Variants in TRDN observed in about 807,000 individuals in gnomAD.
TRDN encodes the protein triadin, also known as triadin in skeletal muscle.
A neutral mutation model predicts 149.7 loss-of-function variants in TRDN; 161 were observed. The observed-to-expected ratio is 1.08, with a 90% confidence interval of 0.95 to 1.23. TRDN has a LOEUF of 1.23. Among genes scored for constraint, TRDN ranks in the 50% most tolerant of loss-of-function variants. The pLI is 0.00. For missense variants in TRDN, 896 were observed against 823.5 expected (o/e 1.09, Z -1.08); for synonymous variants, 294 against 250.5 (o/e 1.17, Z -1.64).
At chr6:123,304,358 T>G (rs113568796) in intron 24 of TRDN, among the ~76,000 whole-genome samples, 3,090 of 151,052 alleles carry the variant, frequency 0.02, 99 homozygotes, top group South Asian at 0.077. Flanking sequence ...GTTCAAGGGA[T>G]TCCCCTGCCT....
chr6:123,244,431 G>A (rs1403712600), intron 38 of TRDN, among the ~76,000 whole-genome samples: 4 of 152,014 alleles, frequency 2.6e-5, no homozygotes, highest in African/African-American at 4.8e-5. Context: ...AACACAGCAC[G>A]AGAATTTCCT....
intron 21 of TRDN, among the ~76,000 whole-genome samples, chr6:123,345,226 G>A (rs191932770): frequency 2.8e-4 from 42 of 152,044 alleles, no homozygotes; most frequent in Admixed American, 2.0e-3. Context: ...TGTGGAGGAC[G>A]TAAAGACTAT....
intron 1 of TRDN, among the ~76,000 whole-genome samples, chr6:123,626,662 G>A (rs1785686574): frequency 6.6e-6 from 1 of 151,812 alleles, no homozygotes. Context: ...TTTACATAAT[G>A]GTGATATTTT....
chr6:123,309,760 TA>T (rs952139102), intron 24 of TRDN, among the ~76,000 whole-genome samples: 1 of 151,838 alleles, frequency 6.6e-6, no homozygotes, highest in East Asian at 1.9e-4. Flanking sequence ...TGTAAAAATA[TA>T]AAAAAATAAA....
At chr6:123,424,611 A>G (rs896914033) in intron 12 of TRDN, among the ~76,000 whole-genome samples, 1 of 152,162 alleles carries the variant, frequency 6.6e-6, no homozygotes, top group African/African-American at 2.4e-5. Flanking sequence ...TTTGAAATCT[A>G]AATGCTGAAA....
At chr6:123,366,309 G>A in intron 19 of TRDN, 127 bp from the exon 20 acceptor site, 1 of 783,078 alleles carries the variant, frequency 1.3e-6, no homozygotes. Flanking sequence ...AAGCTGTAGA[G>A]AAAGCCAAAA....
chr6:123,367,940 T>C (rs577082843), intron 19 of TRDN, among the ~76,000 whole-genome samples: 22 of 152,314 alleles, frequency 1.4e-4, no homozygotes, highest in Non-Finnish European at 2.8e-4. Context: ...AGAGTCCATA[T>C]GGCTCTGTAT....
chr6:123,551,520 T>A (rs1236100326), intron 2 of TRDN, among the ~76,000 whole-genome samples: 1 of 151,986 alleles, frequency 6.6e-6, no homozygotes, highest in Non-Finnish European at 1.5e-5. Context: ...AGAAGATACT[T>A]AGGTAATTGT....
At chr6:123,550,753 A>G (rs1284810920) in intron 2 of TRDN, among the ~76,000 whole-genome samples, 5 of 152,040 alleles carry the variant, frequency 3.3e-5, no homozygotes, top group Admixed American at 1.3e-4. Flanking sequence ...CGTGGAGCAC[A>G]CAGACCATTC....
At chr6:123,518,133 C>A (rs550250008) in intron 5 of TRDN, among the ~76,000 whole-genome samples, 2 of 152,106 alleles carry the variant, frequency 1.3e-5, no homozygotes, top group South Asian at 2.1e-4. Context: ...AAACTTTTGA[C>A]AATTTATTGA....
At chr6:123,288,030 C>CT (rs869079186) in intron 24 of TRDN, among the ~76,000 whole-genome samples, 1 of 102,438 alleles carries the variant, frequency 9.8e-6, no homozygotes, top group Admixed American at 9.8e-5. Flanking sequence ...TCCATTTATA[C>CT]CCTATTATGC....
intron 1 of TRDN, among the ~76,000 whole-genome samples, chr6:123,623,164 G>A (rs1785482500): frequency 6.6e-6 from 1 of 151,926 alleles, no homozygotes; most frequent in Non-Finnish European, 1.5e-5. Flanking sequence ...TTTCCCTGAG[G>A]TTATTGTCTT....
At chr6:123,285,642 A>G (rs6569335) in intron 24 of TRDN, among the ~76,000 whole-genome samples, 1 of 151,972 alleles carries the variant, frequency 6.6e-6, no homozygotes, top group Admixed American at 6.6e-5. Flanking sequence ...GACTTCATGA[A>G]CAAGAATCCA....
rs1452342114 is a variant in TRDN at position 123,217,036 on chromosome 6, G to T, written c.*1565C>A. 6.6e-6 allele frequency: 1 copy of T among 151,926 alleles called. No individual in the cohort carries two copies. Among genetic ancestry groups the T allele is most frequent in the Non-Finnish European group, 1.5e-5 (1 of 67,964 alleles). The allele number at this position is 151,926 out of a possible 1,614,324, so 9.4% of individuals were successfully genotyped here. A position where few individuals can be genotyped will look rare whatever the true frequency, so the allele number is the denominator to read the frequency against. On this transcript the variant is annotated 3_prime_UTR_variant, in exon 41 of 41. Transcript: ENST00000334268. ...TCACCTGAAGGGGCTTTGCAAGATG[G>T]TATTGTCTGGTCATTCCTGAAATTA...
intron 2 of TRDN, among the ~76,000 whole-genome samples, chr6:123,566,165 G>T (rs997213283): frequency 4.6e-5 from 7 of 152,158 alleles, no homozygotes; most frequent in Non-Finnish European, 2.9e-5. Flanking sequence ...TGTGGTGTAG[G>T]TGAAATATCT....
chr6:123,331,644 T>C (rs1489945834), intron 23 of TRDN, among the ~76,000 whole-genome samples: 1 of 152,050 alleles, frequency 6.6e-6, no homozygotes, highest in African/African-American at 2.4e-5. Flanking sequence ...CAGAATAGCA[T>C]AAGACTTTTT....
chr6:123,500,732 G>A (rs1207360590), intron 8 of TRDN, among the ~76,000 whole-genome samples: 1 of 152,042 alleles, frequency 6.6e-6, no homozygotes, highest in African/African-American at 2.4e-5. Context: ...TAGTAACAAA[G>A]GGAAAATACA....
intron 9 of TRDN, among the ~76,000 whole-genome samples, chr6:123,483,172 G>T (rs1469673519): frequency 1.3e-5 from 2 of 150,260 alleles, no homozygotes; most frequent in Non-Finnish European, 3.0e-5. Context: ...GCACGATCTC[G>T]GCTCACTACA....
chr6:123,513,485 A>G (rs958059720), intron 6 of TRDN, among the ~76,000 whole-genome samples: 1 of 152,120 alleles, frequency 6.6e-6, no homozygotes, highest in African/African-American at 2.4e-5. Context: ...TTTGGAAAAA[A>G]AATCACAAGA....
Sources: allele counts gnomAD v4.1 joint callset (sites outside exome capture counted in the v4.1 genomes callset), GRCh38; gene constraint gnomAD v4.1.1; transcripts MANE v1.5; gene names NCBI Gene and HGNC (gene_info 2026-07-23, HGNC 2026-07-21).